Variants in KALRN observed in about 807,000 individuals in gnomAD.
KALRN encodes the protein kalirin.
A neutral mutation model predicts 353.7 loss-of-function variants in KALRN; 70 were observed. That is an observed-to-expected ratio of 0.20 (90% CI 0.16 to 0.24). The LOEUF is 0.24. Ranked by LOEUF, KALRN falls within the 10% of genes least tolerant of loss-of-function variation. The probability of loss-of-function intolerance (pLI) is 1.00; values close to 1 mark genes in which losing one functional copy is unlikely to be tolerated. For synonymous variants in KALRN, 1,391 were observed against 1,434.8 expected, an observed-to-expected ratio of 0.97 and a Z score of 0.69; for missense variants, 2,791 against 3,756.7, an observed-to-expected ratio of 0.74 and a Z score of 6.72.
Position 124,638,937 on chromosome 3 carries a change from T to C in KALRN, c.5664+1634T>C, listed in dbSNP as rs886642814. 2.0e-5 allele frequency among the ~76,000 whole-genome samples: 3 copies of C among 152,182 alleles called. No individual in the cohort carries two copies. In the South Asian group the frequency reaches 6.2e-4, roughly 31 times the overall value. ...CATGTTTGGGGGTACACGAGCAAAA[T>C]TATTTTCAGTGACAGAGATATATAA... On this transcript the variant is annotated intron_variant, in intron 37 of 59. Coordinates refer to ENST00000682506, the MANE Select transcript of KALRN (RefSeq NM_001388419.1).
chr3:124,341,352 C>T (rs917826477), intron 9 of KALRN, among the ~76,000 whole-genome samples: 4 of 152,170 alleles, frequency 2.6e-5, no homozygotes, highest in African/African-American at 7.2e-5. Context: ...CCTCTCAAGA[C>T]GAGCAGGGCA....
At chr3:124,557,010 T>C (rs1448359123) in intron 33 of KALRN, among the ~76,000 whole-genome samples, 2 of 152,262 alleles carry the variant, frequency 1.3e-5, no homozygotes, top group African/African-American at 4.8e-5. Flanking sequence ...GGCTGCATAA[T>C]TAATTACTCA....
chr3:124,366,816 G>A (rs1301297631), intron 10 of KALRN, among the ~76,000 whole-genome samples: 1 of 146,010 alleles, frequency 6.8e-6, no homozygotes, highest in African/African-American at 2.6e-5. Flanking sequence ...CGGACGGGGT[G>A]GCTGGCTGGG....
chr3:124,313,052 A>G (rs922602819), intron 6 of KALRN, among the ~76,000 whole-genome samples: 3 of 152,204 alleles, frequency 2.0e-5, no homozygotes, highest in Non-Finnish European at 2.9e-5. Context: ...GAGGGAGCCC[A>G]ATAAGGCATG....
intron 33 of KALRN, among the ~76,000 whole-genome samples, chr3:124,528,454 C>G (rs1333710941): frequency 6.6e-6 from 1 of 152,170 alleles, no homozygotes; most frequent in Admixed American, 6.5e-5. Context: ...TGTCCTCTCC[C>G]CAAGCCCCAC....
chr3:124,396,074 AC>A (rs1419810375), intron 12 of KALRN, among the ~76,000 whole-genome samples: 1 of 152,108 alleles, frequency 6.6e-6, no homozygotes, highest in Non-Finnish European at 1.5e-5. Context: ...TCAGCAACCA[AC>A]CCCATGCCTA....
At chr3:124,372,484 T>A (rs2085966523) in intron 10 of KALRN, among the ~76,000 whole-genome samples, 1 of 105,508 alleles carries the variant, frequency 9.5e-6, no homozygotes, top group Non-Finnish European at 2.0e-5. Flanking sequence ...CTCAGTTTTC[T>A]TATCTATAAT....
At chr3:124,496,854 C>T (rs2063909824) in intron 33 of KALRN, among the ~76,000 whole-genome samples, 1 of 152,070 alleles carries the variant, frequency 6.6e-6, no homozygotes, top group Non-Finnish European at 1.5e-5. Context: ...CAAAGTTAGA[C>T]CAAGATTAAA....
At chr3:124,164,217 T>C (rs1208617750) in intron 1 of KALRN, 1 of 154,312 alleles carries the variant, frequency 6.5e-6, no homozygotes, top group Non-Finnish European at 1.4e-5. Flanking sequence ...CCATTGTTGC[T>C]GTATAAATCT....
At position 124,110,467 on chromosome 3, in the gene KALRN, G is replaced by GTGCA. The variant is rs1380649365; in HGVS notation, c.73+76654_73+76655insTGCA. Among the ~76,000 whole-genome samples the GTGCA allele has an allele frequency of 4.2e-4, 23 of 54,250 alleles. 1 individual carries two copies. In the East Asian group the frequency reaches 0.037, roughly 87 times the overall value. 35.6% of individuals were successfully genotyped at this position (54,250 alleles called of 152,430 possible). ...GTATATATTTCATATATACACACGC[G>GTGCA]CGCACACACACACACACACACACAC... is the stretch of plus-strand genomic sequence containing the variant. On this transcript the variant is annotated intron_variant, in intron 1 of 59. Coordinates refer to ENST00000682506, the MANE Select transcript of KALRN (RefSeq NM_001388419.1).
chr3:124,311,117 C>G (rs1477920751), intron 6 of KALRN, among the ~76,000 whole-genome samples: 2 of 122,704 alleles, frequency 1.6e-5, no homozygotes, highest in East Asian at 5.1e-4. Context: ...CTCTGTCACC[C>G]AGGCTGGATA....
intron 34 of KALRN, among the ~76,000 whole-genome samples, chr3:124,631,527 C>T (rs2080780590): frequency 6.6e-6 from 1 of 152,178 alleles, no homozygotes; most frequent in Non-Finnish European, 1.5e-5. Flanking sequence ...CCCATACACA[C>T]ATAGTCTGTC....
At chr3:124,471,826 G>A (rs926029538) in intron 25 of KALRN, among the ~76,000 whole-genome samples, 1 of 151,870 alleles carries the variant, frequency 6.6e-6, no homozygotes, top group Admixed American at 6.6e-5. Flanking sequence ...AATTAGCCAG[G>A]CGTGGTGGCG....
At chr3:124,217,315 A>T (rs1196670110) in intron 1 of KALRN, among the ~76,000 whole-genome samples, 1 of 152,232 alleles carries the variant, frequency 6.6e-6, no homozygotes, top group East Asian at 1.9e-4. Context: ...AATAACTTAA[A>T]TAGGGACTCA....
rs1378725779 is a variant in KALRN, at chr3:124,720,898, C to G, written c.*1428C>G. ...TTGTACATGATCCACCCTTAGTTTT[C>G]TAGAATGTGTGTTGAAAATTGCGAT... On this transcript the variant is annotated 3_prime_UTR_variant, in exon 60 of 60. Coordinates refer to ENST00000682506, the MANE Select transcript of KALRN (RefSeq NM_001388419.1). The G allele has an allele frequency of 1.3e-5, 2 of 152,046 alleles. No individual in the cohort carries two copies. The highest frequency in any genetic ancestry group is 2.9e-5 in the Non-Finnish European group (2 of 68,018). The allele number at this position is 152,046 out of a possible 1,614,324, so 9.4% of individuals were successfully genotyped here.
At chr3:124,659,502 A>T (rs1394294288) in intron 43 of KALRN, 45 bp downstream of exon 43, 4 of 1,325,212 alleles carry the variant, frequency 3.0e-6, no homozygotes, top group Non-Finnish European at 4.4e-6. Flanking sequence ...AGGATCCATC[A>T]GGCTCAGAGC....
chr3:124,527,805 T>G (rs1278184650), intron 33 of KALRN, among the ~76,000 whole-genome samples: 1 of 152,070 alleles, frequency 6.6e-6, no homozygotes, highest in Non-Finnish European at 1.5e-5. Context: ...AGAGAAGCCT[T>G]TCTGATATGA....
intron 57 of KALRN, among the ~76,000 whole-genome samples, chr3:124,705,822 C>CCCTTCCTTCCTCCCTT (rs1553740572): frequency 6.9e-6 from 1 of 144,666 alleles, no homozygotes; most frequent in African/African-American, 2.7e-5. Flanking sequence ...CTTCCTTCCT[C>CCCTTCCTTCCTCCCTT]CCTTCCTTCC....
At chr3:124,111,537 G>A (rs1168377146) in intron 1 of KALRN, among the ~76,000 whole-genome samples, 2 of 152,134 alleles carry the variant, frequency 1.3e-5, no homozygotes, top group South Asian at 2.1e-4. Context: ...GGAAGAAGGG[G>A]GTTAATGGCC....
Sources: gnomAD v4.1 joint callset for allele counts (sites outside exome capture counted in the v4.1 genomes callset) on GRCh38, gnomAD v4.1.1 for gene constraint, MANE v1.5 for transcripts, NCBI Gene and HGNC (gene_info 2026-07-23, HGNC 2026-07-21) for gene names.